The following KLHL14 variants were observed in gnomAD, a reference collection of about 807,000 sequenced individuals.
KLHL14 encodes the protein kelch-like protein 14.
A neutral mutation model predicts 64.3 loss-of-function variants in KLHL14; 22 were observed. The observed-to-expected ratio is 0.34, with a 90% confidence interval of 0.24 to 0.49. The LOEUF (loss-of-function observed/expected upper bound fraction) is 0.49, where lower values mean the gene tolerates loss of function less well. KLHL14 is among the 20% of genes least tolerant of loss of function. The probability of loss-of-function intolerance (pLI) is 0.99; values close to 1 mark genes in which losing one functional copy is unlikely to be tolerated. For missense variants in KLHL14, 661 were observed against 789.0 expected (o/e 0.84, Z 1.94); for synonymous variants, 322 against 333.4 (o/e 0.97, Z 0.37).
At chr18:32,693,413 C>CACACAGAGAGAGAGAGAGAG (rs1229737083) in intron 4 of KLHL14, among the ~76,000 whole-genome samples, 9 of 97,020 alleles carry the variant, frequency 9.3e-5, no homozygotes, top group African/African-American at 3.4e-4. Context: ...CACACACACA[C>CACACAGAGAGAGAGAGAGAG]AGAGAGAGAG....
At chr18:32,724,042 A>T (rs1453310114) in intron 3 of KLHL14, among the ~76,000 whole-genome samples, 8 of 152,216 alleles carry the variant, frequency 5.3e-5, no homozygotes, top group Admixed American at 5.2e-4. Context: ...TGGAAAAAAA[A>T]TATCATGTTA....
intron 2 of KLHL14, among the ~76,000 whole-genome samples, chr18:32,762,059 C>T (rs1267559501): frequency 6.6e-6 from 1 of 151,900 alleles, no homozygotes; most frequent in African/African-American, 2.4e-5. Context: ...TCCGAGACTT[C>T]TGAAACTACT....
At chr18:32,765,920 C>A (rs1176113103) in intron 2 of KLHL14, among the ~76,000 whole-genome samples, 1 of 152,008 alleles carries the variant, frequency 6.6e-6, no homozygotes, top group African/African-American at 2.4e-5. Flanking sequence ...AATATAATTT[C>A]TTTAAAACTA....
At chr18:32,709,451 A>AT (rs11392963) in intron 3 of KLHL14, among the ~76,000 whole-genome samples, 49,524 of 147,392 alleles carry the variant, frequency 0.34, 8,997 homozygotes, top group African/African-American at 0.5. Flanking sequence ...TACCTTTAGA[A>AT]TTTTTTTTTT....
At chr18:32,687,897 G>T (rs2144476793) in intron 4 of KLHL14, among the ~76,000 whole-genome samples, 1 of 152,236 alleles carries the variant, frequency 6.6e-6, no homozygotes, top group Non-Finnish European at 1.5e-5. Context: ...AGTTAGTTTT[G>T]TCCTATGCAT....
At chr18:32,676,020 A>G (rs2049809637) in intron 8 of KLHL14, among the ~76,000 whole-genome samples, 1 of 152,226 alleles carries the variant, frequency 6.6e-6, no homozygotes, top group African/African-American at 2.4e-5. Flanking sequence ...AAAAATGTTC[A>G]TCATTTTAAA....
chr18:32,762,126 T>C (rs2050317703), intron 2 of KLHL14, among the ~76,000 whole-genome samples: 2 of 152,122 alleles, frequency 1.3e-5, no homozygotes, highest in African/African-American at 4.8e-5. Context: ...TCTTATTAAC[T>C]CAGATTACAT....
intron 3 of KLHL14, among the ~76,000 whole-genome samples, chr18:32,729,230 A>G (rs1410345663): frequency 6.6e-6 from 1 of 151,920 alleles, no homozygotes; most frequent in African/African-American, 2.4e-5. Flanking sequence ...CTGTAGGGAG[A>G]TGGGGAGGGT....
chr18:32,703,294 C>CGAATGACT (rs1338093268), intron 3 of KLHL14, among the ~76,000 whole-genome samples: 1 of 151,882 alleles, frequency 6.6e-6, no homozygotes, highest in African/African-American at 2.4e-5. Context: ...ACGAATAGCA[C>CGAATGACT]GAATGACTGA....
intron 3 of KLHL14, among the ~76,000 whole-genome samples, chr18:32,700,126 C>T (rs1253726811): frequency 6.6e-6 from 1 of 152,104 alleles, no homozygotes; most frequent in African/African-American, 2.4e-5. Flanking sequence ...AAACCTCTTC[C>T]AGCAGAAAGT....
chr18:32,722,395 A>G (rs1209236563), intron 3 of KLHL14, among the ~76,000 whole-genome samples: 1 of 152,178 alleles, frequency 6.6e-6, no homozygotes, highest in South Asian at 2.1e-4. Context: ...AAGCTTAACC[A>G]GAAGGAACCT....
intron 5 of KLHL14, among the ~76,000 whole-genome samples, chr18:32,685,559 G>C (rs140739194): frequency 9.2e-5 from 14 of 152,270 alleles, no homozygotes; most frequent in African/African-American, 2.9e-4. Context: ...CTCCAAAAGA[G>C]AGAAACAGGG....
rs761093850 is a variant in KLHL14 at position 32,769,898 on chromosome 18, C to T, written c.694G>A (p.Val232Met). ...RALLDSLPPP[V>M]ESELALFQMS... ...TGGAAGAGCGCCAGCTCCGACTCCA[C>T]GGGGGGCGGCAGCGAGTCCAGCAGG... Residue 232 changes from valine (V) to methionine (M), a missense_variant, in exon 2 of 9, where the codon GTG (valine) becomes ATG (methionine). Around this residue, in one of 2 missense-constraint regions of KLHL14, gnomAD observed 331 missense variants for 339.0 expected, o/e 0.98. Coordinates refer to ENST00000359358, the MANE Select transcript of KLHL14 (RefSeq NM_020805.3). The T allele has an allele frequency of 1.2e-6, 2 of 1,614,022 alleles. No individual in the cohort carries two copies. The highest frequency in any genetic ancestry group is 1.7e-6 in the Non-Finnish European group (2 of 1,180,032).
chr18:32,710,020 C>T (rs900604612), intron 3 of KLHL14, among the ~76,000 whole-genome samples: 5 of 152,122 alleles, frequency 3.3e-5, no homozygotes, highest in African/African-American at 1.2e-4. Context: ...GTCATACAAA[C>T]CAGGTTTGAT....
intron 8 of KLHL14, among the ~76,000 whole-genome samples, chr18:32,676,704 T>G (rs1336860843): frequency 6.6e-6 from 1 of 152,164 alleles, no homozygotes; most frequent in Non-Finnish European, 1.5e-5. Context: ...GAAGTCCCAT[T>G]CTAATCTCGA....
At position 32,680,034 on chromosome 18, in the gene KLHL14, A is replaced by T; in HGVS notation, c.1588+135T>A. The T allele has an allele frequency of 1.1e-6, 1 of 884,812 alleles. No individual in the cohort carries two copies. Among genetic ancestry groups the T allele is most frequent in the Non-Finnish European group, 1.7e-6 (1 of 594,102 alleles). 54.8% of individuals were successfully genotyped at this position (884,812 alleles called of 1,614,324 possible). ...GCTTGCTCAAGGGTACTGCCAATTT[A>T]CACAGAGTAGATTTTATTAGGTCAA... On this transcript the variant is annotated intron_variant, in intron 7 of 8. Transcript: ENST00000359358. The surrounding 1 kb of genome is among the most constrained non-coding windows in gnomAD (Gnocchi z 4.8).
intron 3 of KLHL14, among the ~76,000 whole-genome samples, chr18:32,737,074 G>C (rs1206836062): frequency 6.6e-6 from 1 of 151,978 alleles, no homozygotes; most frequent in Non-Finnish European, 1.5e-5. Flanking sequence ...ATTCTTCCTA[G>C]GCATTTTCAG....
At chr18:32,722,664 A>C (rs936485911) in intron 3 of KLHL14, among the ~76,000 whole-genome samples, 2 of 152,170 alleles carry the variant, frequency 1.3e-5, no homozygotes, top group Non-Finnish European at 2.9e-5. Flanking sequence ...AAAAACAGCA[A>C]TCCATCTTAA....
Position 32,724,107 on chromosome 18 carries a change from T to G in KLHL14, c.1069+17821A>C, listed in dbSNP as rs140256154. On this transcript the variant is annotated intron_variant, in intron 3 of 8. Coordinates refer to ENST00000359358, the MANE Select transcript of KLHL14 (RefSeq NM_020805.3). ...TCAAAGAACTCCTAATAAGGTTTCA[T>G]AGAACATGGCTTAATAGAAAAAACA... Among the ~76,000 whole-genome samples the G allele has an allele frequency of 5.6e-3, 857 of 152,328 alleles. 6 individuals are homozygous for G. Among genetic ancestry groups the G allele is most frequent in the African/African-American group, 0.02 (812 of 41,580 alleles).
Sources: allele counts gnomAD v4.1 joint callset (sites outside exome capture counted in the v4.1 genomes callset), GRCh38; gene constraint gnomAD v4.1.1; regional missense constraint gnomAD v4.1.1; non-coding constraint Gnocchi (gnomAD v3.1); transcripts MANE v1.5; gene names NCBI Gene and HGNC (gene_info 2026-07-23, HGNC 2026-07-21).